Variants in SLC39A11 observed in about 807,000 individuals in gnomAD.
SLC39A11 encodes the protein solute carrier family 39 member 11.
A neutral mutation model predicts 36.1 loss-of-function variants in SLC39A11; 33 were observed. The observed-to-expected ratio is 0.91, with a 90% CI of 0.69 to 1.22. The LOEUF (loss-of-function observed/expected upper bound fraction) is 1.22. Ranked by LOEUF, SLC39A11 falls within the 50% of genes most tolerant of loss-of-function variation. The probability of loss-of-function intolerance (pLI) is 0.00; values close to 1 mark genes in which losing one functional copy is unlikely to be tolerated. For synonymous variants in SLC39A11, 166 were observed against 170.3 expected (o/e 0.97, Z 0.20); for missense variants, 432 against 430.3 (o/e 1.00, Z -0.03).
In SLC39A11 at chr17:73,010,749, G is replaced by A. The variant is rs570920435; in HGVS notation, c.306+20807C>T. On this transcript the variant is annotated intron_variant, in intron 4 of 9. Coordinates refer to ENST00000255559, the MANE Select transcript of SLC39A11 (RefSeq NM_139177.4). ...AATCAAATGACACAGGCAAATTTCAGATTAAGCTTTTCTTTTTGTCTCCTG... is the reference window on the plus strand; with the variant it reads ...AATCAAATGACACAGGCAAATTTCAAATTAAGCTTTTCTTTTTGTCTCCTG... 3.5e-4 allele frequency among the ~76,000 whole-genome samples: 54 copies of A among 152,118 alleles called. No homozygotes were observed. The South Asian group carries it at 0.01, about 29-fold the overall frequency.
chr17:72,999,938 C>T (rs190506996), intron 4 of SLC39A11, among the ~76,000 whole-genome samples: 11 of 152,014 alleles, frequency 7.2e-5, no homozygotes, highest in Non-Finnish European at 7.4e-5. Context: ...ATGGGGGTTT[C>T]GCCATGTTAC....
At chr17:73,036,609 G>A (rs1486911177) in intron 3 of SLC39A11, among the ~76,000 whole-genome samples, 1 of 152,014 alleles carries the variant, frequency 6.6e-6, no homozygotes, top group Non-Finnish European at 1.5e-5. Flanking sequence ...ATGCCGCCCA[G>A]CTCATTTTTG....
chr17:72,833,987 T>C (rs1354136199), intron 6 of SLC39A11, among the ~76,000 whole-genome samples: 2 of 152,246 alleles, frequency 1.3e-5, no homozygotes, highest in African/African-American at 4.8e-5. Flanking sequence ...ACAATATATG[T>C]AGGACATACC....
chr17:73,078,573 A>G (rs577068767), intron 3 of SLC39A11, among the ~76,000 whole-genome samples: 82 of 150,344 alleles, frequency 5.5e-4, no homozygotes, highest in Middle Eastern at 3.4e-3. Context: ...TGCAACCTCC[A>G]CCTTCCGGGT....
intron 4 of SLC39A11, among the ~76,000 whole-genome samples, chr17:73,011,248 G>GC (rs1203729088): frequency 1.3e-5 from 2 of 152,236 alleles, no homozygotes; most frequent in Non-Finnish European, 2.9e-5. Context: ...CAGAGGCGGT[G>GC]CCCCAGGCAG....
rs144460223 is a variant in SLC39A11 at position 72,897,905 on chromosome 17, G to A, written c.431-48101C>T. On this transcript the variant is annotated intron_variant, in intron 5 of 9. Coordinates refer to ENST00000255559, the MANE Select transcript of SLC39A11 (RefSeq NM_139177.4). The stretch of plus-strand genomic sequence containing the variant: ...GAGAAAAGATTACCCAAGAGAAGAG[G>A]GGTGGAAGGTGAGACCTGGAGGAAG... Among the ~76,000 whole-genome samples the A allele has an allele frequency of 3.9e-5, 6 of 152,230 alleles. No individual in the cohort carries two copies. In the East Asian group the frequency reaches 9.7e-4, roughly 24 times the overall value.
chr17:72,691,259 G>T (rs72843230), intron 7 of SLC39A11, among the ~76,000 whole-genome samples: 8,138 of 152,226 alleles, frequency 0.053, 290 homozygotes, highest in Admixed American at 0.079. Context: ...CTCAATCCTG[G>T]CTCAGGCATT....
At chr17:72,875,101 G>T (rs1349251247) in intron 5 of SLC39A11, among the ~76,000 whole-genome samples, 12 of 152,124 alleles carry the variant, frequency 7.9e-5, no homozygotes, top group Non-Finnish European at 2.9e-5. Flanking sequence ...AGGAGACAGG[G>T]TTATTTTGGG....
chr17:72,897,072 C>CAAAAAAAAAAAAAAAAAAAAAAAAAAAAA, intron 5 of SLC39A11, among the ~76,000 whole-genome samples: 1 of 122,904 alleles, frequency 8.1e-6, no homozygotes. Flanking sequence ...AAAAAAAAAA[C>CAAAAAAAAAAAAAAAAAAAAAAAAAAAAA]AAACAGAAAA....
intron 5 of SLC39A11, among the ~76,000 whole-genome samples, chr17:72,892,084 T>C (rs1250611814): frequency 2.0e-5 from 3 of 151,966 alleles, no homozygotes; most frequent in Non-Finnish European, 4.4e-5. Flanking sequence ...TCCCTAGCAA[T>C]ATAAGGGAAA....
chr17:72,881,642 G>A (rs939341604), intron 5 of SLC39A11, among the ~76,000 whole-genome samples: 1 of 152,088 alleles, frequency 6.6e-6, no homozygotes, highest in African/African-American at 2.4e-5. Flanking sequence ...GTAGTTCATA[G>A]AGCTGGCATC....
At chr17:72,879,340 A>C (rs1483422484) in intron 5 of SLC39A11, among the ~76,000 whole-genome samples, 2 of 152,228 alleles carry the variant, frequency 1.3e-5, no homozygotes, top group Non-Finnish European at 2.9e-5. Context: ...CCCAGCCACC[A>C]GCCATCTCGC....
At chr17:72,753,470 T>C (rs2075233521) in intron 6 of SLC39A11, among the ~76,000 whole-genome samples, 1 of 152,234 alleles carries the variant, frequency 6.6e-6, no homozygotes, top group Non-Finnish European at 1.5e-5. Context: ...CTCTTTCTTA[T>C]TCTCTGATTA....
At chr17:72,865,532 G>C (rs2080260028) in intron 5 of SLC39A11, among the ~76,000 whole-genome samples, 1 of 151,616 alleles carries the variant, frequency 6.6e-6, no homozygotes. Flanking sequence ...TGGTTCCAGG[G>C]TAACGAGGCT....
At chr17:73,024,452 T>A (rs549843243) in intron 4 of SLC39A11, among the ~76,000 whole-genome samples, 1 of 152,248 alleles carries the variant, frequency 6.6e-6, no homozygotes, top group Non-Finnish European at 1.5e-5. Context: ...CTGCTGAAGT[T>A]TGTCCTTTTT....
chr17:72,664,462 T>C (rs1165798830), intron 7 of SLC39A11, among the ~76,000 whole-genome samples: 1 of 152,164 alleles, frequency 6.6e-6, no homozygotes, highest in Non-Finnish European at 1.5e-5. Context: ...ACACCTTATA[T>C]GCAATTTGCC....
At chr17:72,665,397 T>TTTTTG (rs2070698936) in intron 7 of SLC39A11, among the ~76,000 whole-genome samples, 1 of 125,334 alleles carries the variant, frequency 8.0e-6, no homozygotes, top group Admixed American at 8.6e-5. Context: ...GTGTTTTTTT[T>TTTTTG]TTTTTTTTTT....
chr17:72,769,982 C>T (rs957322672), intron 6 of SLC39A11, among the ~76,000 whole-genome samples: 15 of 152,186 alleles, frequency 9.9e-5, no homozygotes, highest in Non-Finnish European at 1.9e-4. Context: ...CCTTTCCAGA[C>T]TGAACCAATA....
At chr17:72,884,117 A>G (rs1363393011) in intron 5 of SLC39A11, among the ~76,000 whole-genome samples, 1 of 152,152 alleles carries the variant, frequency 6.6e-6, no homozygotes, top group African/African-American at 2.4e-5. Context: ...TCACACCACA[A>G]AACTCCAGGC....
Sources: gnomAD v4.1 joint callset for allele counts (sites outside exome capture counted in the v4.1 genomes callset) on GRCh38, gnomAD v4.1.1 for gene constraint, MANE v1.5 for transcripts, NCBI Gene and HGNC (gene_info 2026-07-23, HGNC 2026-07-21) for gene names.